Variants in ZC3H11A observed in about 807,000 individuals in gnomAD.
The protein encoded by ZC3H11A is zinc finger CCCH domain-containing protein 11A.
In ZC3H11A, 22 loss-of-function variants were observed where a neutral mutation model predicts 90.8. That is an observed-to-expected ratio of 0.24 (90% CI 0.17 to 0.35). The LOEUF (loss-of-function observed/expected upper bound fraction) is 0.35, where lower values mean the gene tolerates loss of function less well. Ranked by LOEUF, ZC3H11A falls within the 10% of genes least tolerant of loss-of-function variation. The pLI, the probability that ZC3H11A is intolerant of heterozygous loss-of-function variation, is 1.00. For synonymous variants in ZC3H11A, 294 were observed against 339.8 expected, an observed-to-expected ratio of 0.87 and a Z score of 1.48; for missense variants, 701 against 964.9, an observed-to-expected ratio of 0.73 and a Z score of 3.62.
intron 1 of ZC3H11A, chr1:203,798,400 G>GC (rs2102366957): frequency 1.3e-6 from 2 of 1,533,592 alleles, no homozygotes; most frequent in Non-Finnish European, 1.7e-6. Flanking sequence ...AGAAGTGTGA[G>GC]CCGGGGTAGG....
At position 203,852,145 on chromosome 1, in the gene ZC3H11A, G is replaced by T. The variant is rs200162002; in HGVS notation, c.2179G>T (p.Val727Leu). ...PEAENPRDSL[V>L]LPPTQSSSDS... ...ATAATCTTTTTTTTCTTACAGTCTT[G>T]TGCTGCCTCCAACCCAGTCCTCTTC... Residue 727 changes from valine (V) to leucine (L), a missense_variant, in exon 18 of 18, where the codon GTG (valine) becomes TTG (leucine). Coordinates refer to ENST00000367210, the MANE Select transcript of ZC3H11A (RefSeq NM_001376342.1). The T allele has an allele frequency of 6.2e-7, 1 of 1,612,998 alleles. No homozygotes were observed. The highest frequency in any genetic ancestry group is 8.5e-7 in the Non-Finnish European group (1 of 1,179,708).
At chr1:203,805,828 A>C (rs936088937) in intron 2 of ZC3H11A, 13 of 886,352 alleles carry the variant, frequency 1.5e-5, no homozygotes, top group Non-Finnish European at 2.2e-5. Flanking sequence ...ACTGCGACTC[A>C]GTGCTTCTTG....
chr1:203,809,369 GT>G lies in ZC3H11A; in HGVS notation c.-146+6356del, dbSNP rs1209645853. 2.6e-5 allele frequency among the ~76,000 whole-genome samples: 4 copies of G among 151,050 alleles called. No individual in the cohort carries two copies. The East Asian group carries it at 7.9e-4, about 30-fold the overall frequency. ...TTTTTATATTTTTAGTAGAGGCGGT[GT>G]TTCACCATATTGGCCAGGCTGGTCT... is the stretch of plus-strand genomic sequence containing the variant. On this transcript the variant is annotated intron_variant, in intron 2 of 17. Transcript: ENST00000367210.
chr1:203,844,287 G>A (rs1029323570), intron 12 of ZC3H11A, among the ~76,000 whole-genome samples: 40 of 152,072 alleles, frequency 2.6e-4, no homozygotes, highest in African/African-American at 9.2e-4. Flanking sequence ...TCAGCCTCCC[G>A]AGTAAATGGG....
rs1302791722 is a variant in ZC3H11A at position 203,833,923 on chromosome 1, C to G, written c.874+70C>G. The G allele has an allele frequency of 5.8e-6, 9 of 1,542,070 alleles. No individual in the cohort carries two copies. In the East Asian group the frequency reaches 2.1e-4, roughly 36 times the overall value. ...GCATTAACATGATAGCTTCTCCAAACTCTTTTTATACAGATCTTTGTTATT... is the reference window on the plus strand; with the variant it reads ...GCATTAACATGATAGCTTCTCCAAAGTCTTTTTATACAGATCTTTGTTATT... On this transcript the variant is annotated intron_variant, in intron 10 of 17. Transcript: ENST00000367210.
intron 4 of ZC3H11A, among the ~76,000 whole-genome samples, chr1:203,824,689 T>C (rs1679912005): frequency 6.6e-6 from 1 of 152,148 alleles, no homozygotes; most frequent in Non-Finnish European, 1.5e-5. Context: ...GGCTTTTGGT[T>C]GGTGGTGGTG....
intron 2 of ZC3H11A, among the ~76,000 whole-genome samples, chr1:203,816,122 A>G (rs897767411): frequency 6.6e-6 from 1 of 152,208 alleles, no homozygotes; most frequent in Admixed American, 6.5e-5. Context: ...TCACCTAGTT[A>G]TGATTATATA....
At chr1:203,809,142 T>C (rs1286955781) in intron 2 of ZC3H11A, among the ~76,000 whole-genome samples, 2 of 150,932 alleles carry the variant, frequency 1.3e-5, no homozygotes, top group Non-Finnish European at 2.9e-5. Context: ...AGTTTTCTTA[T>C]TATTTTTGAA....
intron 14 of ZC3H11A, among the ~76,000 whole-genome samples, chr1:203,849,150 G>A (rs1211151869): frequency 6.6e-6 from 1 of 152,234 alleles, no homozygotes; most frequent in Non-Finnish European, 1.5e-5. Context: ...CTCCCAACGT[G>A]TTGGGATTAC....
At chr1:203,826,420 A>C (rs1306568045) in intron 4 of ZC3H11A, among the ~76,000 whole-genome samples, 2 of 151,884 alleles carry the variant, frequency 1.3e-5, no homozygotes, top group African/African-American at 4.8e-5. Flanking sequence ...AAATATTAAT[A>C]GGTAATTATG....
chr1:203,819,410 C>A (rs944541547), intron 4 of ZC3H11A, among the ~76,000 whole-genome samples: 14 of 150,316 alleles, frequency 9.3e-5, no homozygotes, highest in African/African-American at 3.4e-4. Context: ...TTAGTAGAGA[C>A]GGGGTTTTAC....
rs536663009 is a variant in ZC3H11A, at chr1:203,828,738, TTGTAAAA to T, written c.298+318_298+324del. Among the ~76,000 whole-genome samples the T allele has an allele frequency of 2.3e-3, 351 of 152,336 alleles. 6 individuals are homozygous for T. In the East Asian group the frequency reaches 0.045, roughly 20 times the overall value. On this transcript the variant is annotated intron_variant, in intron 5 of 17. Coordinates refer to ENST00000367210, the MANE Select transcript of ZC3H11A (RefSeq NM_001376342.1). Reference sequence around the variant, plus strand: ...TGGCAAAACTGGTCCTCTGCCTGTTTTGTAAAATAAGTTTTATTGGAATATAGCCTTG... The same window carrying T: ...TGGCAAAACTGGTCCTCTGCCTGTTTTAAGTTTTATTGGAATATAGCCTTG...
rs142583318 is a variant in ZC3H11A at position 203,821,050 on chromosome 1, C to T, written c.174+2361C>T. The stretch of plus-strand genomic sequence containing the variant: ...GCTCTGTATCCTCACCTGAATCTCA[C>T]CTCTATCGTAATCCCCATGTGTTAA... On this transcript the variant is annotated intron_variant, in intron 4 of 17. Transcript: ENST00000367210. Among the ~76,000 whole-genome samples the T allele has an allele frequency of 5.4e-3, 828 of 152,284 alleles. 7 individuals are homozygous for T. The highest frequency in any genetic ancestry group is 0.044 in the Middle Eastern group (13 of 294).
chr1:203,815,472 G>T (rs1676071258), intron 2 of ZC3H11A, among the ~76,000 whole-genome samples: 1 of 150,504 alleles, frequency 6.6e-6, no homozygotes, highest in Non-Finnish European at 1.5e-5. Flanking sequence ...GCCCACCTTG[G>T]CCTCCCAGAG....
intron 1 of ZC3H11A, chr1:203,797,708 GAAAA>G: frequency 1.3e-6 from 2 of 1,534,808 alleles, no homozygotes; most frequent in Non-Finnish European, 1.7e-6. Flanking sequence ...CTGCTAAAAA[GAAAA>G]GAAAGAAGGG....
At chr1:203,812,073 T>C (rs1283463245) in intron 2 of ZC3H11A, among the ~76,000 whole-genome samples, 1 of 152,174 alleles carries the variant, frequency 6.6e-6, no homozygotes, top group East Asian at 1.9e-4. Context: ...CACCTCGGCC[T>C]CCCAAAGTGC....
At chr1:203,807,551 G>C (rs1455907274) in intron 2 of ZC3H11A, among the ~76,000 whole-genome samples, 1 of 151,636 alleles carries the variant, frequency 6.6e-6, no homozygotes, top group Non-Finnish European at 1.5e-5. Context: ...TTTAGAGATA[G>C]AGTCTCGCTC....
Position 203,847,320 on chromosome 1 carries a change from A to G in ZC3H11A, c.1179A>G (p.Ser393=), listed in dbSNP as rs1194699052. 2 of 1,613,904 alleles carry G rather than the reference A, an allele frequency of 1.2e-6. No individual in the cohort carries two copies. Among genetic ancestry groups the G allele is most frequent in the Non-Finnish European group, 8.5e-7 (1 of 1,179,882 alleles). Residue 393 remains serine, a synonymous_variant, in exon 13 of 18, where the codon TCA becomes TCG. Coordinates refer to ENST00000367210, the MANE Select transcript of ZC3H11A (RefSeq NM_001376342.1). ...EGPSKTDDST[S]GARSSSTIRI... ...CTTCAAAAACTGATGATTCTACTTC[A>G]GGAGCAAGAAGCTCCTCCACTATCC...
chr1:203,841,421 A>G (rs1190724859), intron 12 of ZC3H11A, among the ~76,000 whole-genome samples: 5 of 152,316 alleles, frequency 3.3e-5, no homozygotes, highest in South Asian at 2.1e-4. Flanking sequence ...CCCTTAATCA[A>G]TTTAACCCTG....
Sources: gnomAD v4.1 joint callset for allele counts (sites outside exome capture counted in the v4.1 genomes callset) on GRCh38, gnomAD v4.1.1 for gene constraint, MANE v1.5 for transcripts, NCBI Gene and HGNC (gene_info 2026-07-23, HGNC 2026-07-21) for gene names.